The following FMO4 variants were observed in gnomAD, a reference collection of about 807,000 sequenced individuals.
FMO4 encodes dimethylaniline monooxygenase [N-oxide-forming] 4.
FMO4 carries 38 observed loss-of-function variants against 43.3 expected under a neutral mutation model. The ratio of observed to expected loss-of-function variants is 0.88; its 90% CI spans 0.68 to 1.15. The LOEUF (loss-of-function observed/expected upper bound fraction) is 1.15. Ranked by LOEUF, FMO4 falls within the 50% of genes most tolerant of loss-of-function variation. The pLI, the probability that FMO4 is intolerant of heterozygous loss-of-function variation, is 0.00. For synonymous variants in FMO4, 224 were observed against 232.2 expected (o/e 0.96, Z 0.32); for missense variants, 631 against 663.3 (o/e 0.95, Z 0.54).
At chr1:171,338,542 A>G (rs1053242026) in intron 9 of FMO4, among the ~76,000 whole-genome samples, 5 of 152,164 alleles carry the variant, frequency 3.3e-5, no homozygotes, top group African/African-American at 1.2e-4. Flanking sequence ...TTCCTCAAAC[A>G]TACCAAACAT....
chr1:171,314,757 G>A (rs1379544718), intron 1 of FMO4, among the ~76,000 whole-genome samples: 1 of 151,918 alleles, frequency 6.6e-6, no homozygotes, highest in African/African-American at 2.4e-5. Context: ...TAGATGGCGT[G>A]GGAAAAAAAT....
rs143713856 is a variant in FMO4, at chr1:171,341,636, A to G, written c.1474A>G (p.Arg492Gly). 271 of 1,613,920 alleles carry G rather than the reference A, an allele frequency of 1.7e-4. No individual in the cohort carries two copies. Among genetic ancestry groups the G allele is most frequent in the Non-Finnish European group, 1.6e-4 (193 of 1,179,976 alleles). The change falls in exon 10 of 10, where the codon AGA becomes GGA. Residue 492 changes from arginine (R) to glycine (G), a missense_variant. Arg to Gly is a moderately radical substitution (Grantham distance 125). Coordinates refer to ENST00000367749, the MANE Select transcript of FMO4 (RefSeq NM_002022.3). ...AAATGCCATCCTGACCCAGTGGGAC[A>G]GAACATTGAAACCTTTAAAAACTCG... ...ARNAILTQWD[R>G]TLKPLKTRIV...
At chr1:171,330,356 A>T (rs533616078) in intron 5 of FMO4, among the ~76,000 whole-genome samples, 11 of 152,208 alleles carry the variant, frequency 7.2e-5, no homozygotes, top group Non-Finnish European at 2.9e-5. Flanking sequence ...CTGCTGCTGT[A>T]AACACCCTGT....
At chr1:171,331,455 C>T (rs1196759329) in intron 5 of FMO4, among the ~76,000 whole-genome samples, 185 bp from the exon 6 acceptor site, 1 of 152,224 alleles carries the variant, frequency 6.6e-6, no homozygotes, top group Non-Finnish European at 1.5e-5. Context: ...ACTAAATCCA[C>T]ATCTGGGCTC....
intron 7 of FMO4, 88 bp from the exon 8 acceptor site, chr1:171,334,318 GCAGGT>G (rs1663020205): frequency 2.8e-6 from 2 of 717,514 alleles, no homozygotes; most frequent in African/African-American, 3.6e-5. Context: ...CCTTAGCTTG[GCAGGT>G]AATTTCCCTG....
In FMO4 at chr1:171,326,006, C is replaced by G. The variant is rs543113686; in HGVS notation, c.484+1706C>G. Among the ~76,000 whole-genome samples the G allele has an allele frequency of 2.0e-5, 3 of 151,402 alleles. No individual in the cohort carries two copies. The South Asian group carries it at 6.3e-4, about 32-fold the overall frequency. On this transcript the variant is annotated intron_variant, in intron 5 of 9. Transcript: ENST00000367749. ...GGGACTACAGGTGTGTGTCACCACA[C>G]CTGGCTCATTTTTGTATTTTTTGCA... is the stretch of plus-strand genomic sequence containing the variant.
At chr1:171,319,984 G>A (rs1483563814) in intron 3 of FMO4, 27 bp downstream of exon 3, 1 of 1,612,558 alleles carries the variant, frequency 6.2e-7, no homozygotes, top group East Asian at 2.2e-5. Flanking sequence ...TATCAGTCAT[G>A]ATCTGGCCAT....
chr1:171,325,180 A>C (rs1017567746), intron 5 of FMO4, among the ~76,000 whole-genome samples: 4 of 152,348 alleles, frequency 2.6e-5, no homozygotes, highest in South Asian at 2.1e-4. Flanking sequence ...AAGGAGTTTT[A>C]GAAACTTCCA....
At chr1:171,319,704 CCACT>C (rs1280239631) in intron 2 of FMO4, 110 bp from the exon 3 acceptor site, 1 of 795,580 alleles carries the variant, frequency 1.3e-6, no homozygotes, top group Admixed American at 2.7e-5. Context: ...GATTCTGCCC[CCACT>C]CAAAGATGAA....
intron 4 of FMO4, among the ~76,000 whole-genome samples, chr1:171,323,572 G>A (rs1038475514): frequency 1.3e-5 from 2 of 152,130 alleles, no homozygotes; most frequent in African/African-American, 4.8e-5. Flanking sequence ...GCTGAAGCAT[G>A]AGAATTGCTT....
rs1662114654 is a variant in FMO4 at position 171,314,370 on chromosome 1, T to A, written c.-194T>A. The A allele has an allele frequency of 6.6e-6, 1 of 152,024 alleles. No homozygotes were observed. The highest frequency in any genetic ancestry group is 1.5e-5 in the Non-Finnish European group (1 of 67,988). 9.4% of individuals were successfully genotyped at this position (152,024 alleles called of 1,614,324 possible). ...AAAAGACAAACACTTTCCTTGACTT[T>A]GAGAAATAATTTAAGTCAAAGAATC... On this transcript the variant is annotated 5_prime_UTR_variant, in exon 1 of 10. Coordinates refer to ENST00000367749, the MANE Select transcript of FMO4 (RefSeq NM_002022.3).
chr1:171,319,793 G>A (rs758542660), intron 2 of FMO4, 25 bp from the exon 3 acceptor site: 17 of 1,609,696 alleles, frequency 1.1e-5, no homozygotes, highest in Non-Finnish European at 1.4e-5. Context: ...AAATAAAGAA[G>A]TTCTGCTTGA....
chr1:171,317,605 G>C (rs1478218484), intron 2 of FMO4, among the ~76,000 whole-genome samples: 1 of 152,120 alleles, frequency 6.6e-6, no homozygotes, highest in Non-Finnish European at 1.5e-5. Context: ...GTAAAAACTG[G>C]TCCTATATCT....
intron 5 of FMO4, among the ~76,000 whole-genome samples, chr1:171,325,273 C>G (rs1662611520): frequency 6.6e-6 from 1 of 152,116 alleles, no homozygotes; most frequent in Admixed American, 6.5e-5. Flanking sequence ...GAGGTCAAAA[C>G]TGATTATTTG....
In FMO4 at chr1:171,333,558, T is replaced by G. The variant is rs1443266117; in HGVS notation, c.827+650T>G. Among the ~76,000 whole-genome samples, 4 of 152,216 alleles carry G rather than the reference T, an allele frequency of 2.6e-5. No individual in the cohort carries two copies. The East Asian group carries it at 5.8e-4, about 22-fold the overall frequency. ...TATTTTAATATACATCTGTATAGAG[T>G]TGCACATTGGCAAGTAAAAGAAAGC... On this transcript the variant is annotated intron_variant, in intron 7 of 9. Coordinates refer to ENST00000367749, the MANE Select transcript of FMO4 (RefSeq NM_002022.3).
intron 8 of FMO4, 58 bp downstream of exon 8, chr1:171,334,821 T>A: frequency 2.1e-6 from 2 of 970,048 alleles, no homozygotes; most frequent in Non-Finnish European, 3.1e-6. Context: ...GCCCTGCCAT[T>A]TAGCTAAAAT....
intron 4 of FMO4, 133 bp downstream of exon 4, chr1:171,323,325 C>G: frequency 1.6e-6 from 1 of 626,036 alleles, no homozygotes; most frequent in Non-Finnish European, 2.8e-6. Context: ...ATAAGGACTC[C>G]TCACTTCCGC....
At position 171,319,836 on chromosome 1, in the gene FMO4, A is replaced by G. The variant is rs200011265; in HGVS notation, c.11A>G (p.Lys4Arg). 6.2e-7 allele frequency: 1 copy of G among 1,613,682 alleles called. No individual in the cohort carries two copies. The highest frequency in any genetic ancestry group is 1.3e-5 in the African/African-American group (1 of 74,886). The stretch of plus-strand genomic sequence containing the variant: ...CTAACAGAGCATACCATGGCCAAGA[A>G]AGTTGCAGTGATTGGAGCTGGTGTG... Reference protein sequence around the residue: MAKKVAVIGAGVSG... With the variant: MAKRVAVIGAGVSG... Residue 4 changes from lysine to arginine, a missense_variant, in exon 3 of 10, where the codon AAA becomes AGA. Coordinates refer to ENST00000367749, the MANE Select transcript of FMO4 (RefSeq NM_002022.3).
chr1:171,317,314 T>C (rs905712238), intron 2 of FMO4, among the ~76,000 whole-genome samples: 2 of 152,164 alleles, frequency 1.3e-5, no homozygotes, highest in African/African-American at 4.8e-5. Context: ...TGATCTTTCC[T>C]CAAAAAATGC....
Sources: allele counts gnomAD v4.1 joint callset (sites outside exome capture counted in the v4.1 genomes callset), GRCh38; gene constraint gnomAD v4.1.1; transcripts MANE v1.5; gene names NCBI Gene and HGNC (gene_info 2026-07-23, HGNC 2026-07-21).